The following USH2A variants were observed in gnomAD, a reference collection of about 807,000 sequenced individuals.
USH2A encodes Usher syndrome 2A (autosomal recessive, mild).
Under a neutral mutation model 538.9 loss-of-function variants are expected in USH2A, and 443 were observed. That is an observed-to-expected ratio of 0.82 (90% confidence interval 0.76 to 0.89). USH2A has a LOEUF of 0.89. Among genes scored for constraint, USH2A ranks in the 40% least tolerant of loss-of-function variants. USH2A has a pLI of 0.00. For missense variants in USH2A, 6,633 were observed against 6,324.8 expected (o/e 1.05, Z -1.65); for synonymous variants, 2,413 against 2,273.5 (o/e 1.06, Z -1.75).
At chr1:216,196,145 T>C (rs912271026) in intron 19 of USH2A, among the ~76,000 whole-genome samples, 2 of 152,298 alleles carry the variant, frequency 1.3e-5, no homozygotes, top group South Asian at 4.1e-4. Context: ...GAAATGTACA[T>C]ATAAGAAGTT....
At chr1:216,047,344 A>T (rs1417247290) in intron 31 of USH2A, among the ~76,000 whole-genome samples, 1 of 152,188 alleles carries the variant, frequency 6.6e-6, no homozygotes, top group Non-Finnish European at 1.5e-5. Context: ...ATAATGCAAC[A>T]TAGGGCCATT....
Position 215,728,046 on chromosome 1 carries a change from T to C in USH2A, c.12050A>G (p.His4017Arg), listed in dbSNP as rs1237304700. 1 of 1,614,172 alleles carries C rather than the reference T, an allele frequency of 6.2e-7. No homozygotes were observed. The highest frequency in any genetic ancestry group is 8.5e-7 in the Non-Finnish European group (1 of 1,180,042). The part of the protein sequence containing the change: ...DDPTFNSPTV[H>R]AFTVKGTSHQ... ...GGGTCTTACCTTCACTGTGAAAGCATGCACGGTAGGGCTGTTAAATGTAGG... is the reference window on the plus strand; with the variant it reads ...GGGTCTTACCTTCACTGTGAAAGCACGCACGGTAGGGCTGTTAAATGTAGG... The change falls in exon 61 of 72, where the codon CAT becomes CGT. Residue 4017 changes from histidine to arginine, a missense_variant. By Grantham distance (29) the His-to-Arg change is conservative. Transcript: ENST00000307340.
At chr1:216,381,526 T>C (rs1005836095) in intron 3 of USH2A, among the ~76,000 whole-genome samples, 2 of 152,086 alleles carry the variant, frequency 1.3e-5, no homozygotes, top group Non-Finnish European at 2.9e-5. Flanking sequence ...GGGGGAAAAG[T>C]GGAAAGGGAA....
intron 2 of USH2A, among the ~76,000 whole-genome samples, chr1:216,419,267 G>A (rs140370487): frequency 1.6e-4 from 25 of 152,200 alleles, no homozygotes; most frequent in African/African-American, 4.1e-4. Flanking sequence ...CTCCATGACC[G>A]TACAGTCCAA....
intron 21 of USH2A, among the ~76,000 whole-genome samples, chr1:216,114,463 T>C (rs2032953796): frequency 6.6e-6 from 1 of 152,170 alleles, no homozygotes; most frequent in Admixed American, 6.6e-5. Flanking sequence ...TTAAGTAAAA[T>C]GTTTACTCTT....
At position 216,292,198 on chromosome 1, in the gene USH2A, T is replaced by C; in HGVS notation, c.1817A>G (p.Asp606Gly). The change falls in exon 10 of 72, where the codon GAT becomes GGT. Residue 606 changes from aspartate to glycine, a missense_variant. Coordinates refer to ENST00000307340, the MANE Select transcript of USH2A (RefSeq NM_206933.4). ...ACCTGTAGTGTTATGCTCACAATCA[T>C]CACAAACTCCTCCTCCCCCTCTGAA... ...EHFRGGGGVC[D>G]DCEHNTTGRN... 6.2e-7 allele frequency: 1 copy of C among 1,614,098 alleles called. No homozygotes were observed. The highest frequency in any genetic ancestry group is 8.5e-7 in the Non-Finnish European group (1 of 1,179,968).
In USH2A at chr1:216,207,319, G is replaced by A. The variant is rs756148854; in HGVS notation, c.3270C>T (p.Leu1090=). Reference sequence around the variant, plus strand: ...TTGTGTAGATTTCAAAACCATCCCTGAGTAAACTGTAAGTAAGCCAGTGGG... The same window carrying A: ...TTGTGTAGATTTCAAAACCATCCCTAAGTAAACTGTAAGTAAGCCAGTGGG... ...PNAHWLTYSL[L]RDGFEIYTTE... Residue 1090 remains leucine, a synonymous_variant, in exon 16 of 72, where the codon CTC becomes CTT. Transcript: ENST00000307340. 6.2e-7 allele frequency: 1 copy of A among 1,611,236 alleles called. No homozygotes were observed. Among genetic ancestry groups the A allele is most frequent in the Non-Finnish European group, 8.5e-7 (1 of 1,178,942 alleles).
chr1:215,675,442 A>C lies in USH2A; in HGVS notation c.12469T>G (p.Ser4157Ala). 6.2e-7 allele frequency: 1 copy of C among 1,613,948 alleles called. No homozygotes were observed. The highest frequency in any genetic ancestry group is 1.3e-5 in the African/African-American group (1 of 75,022). ...PLWTDEAPPDSQLAPTVHSVK... is the reference protein window; with the variant it reads ...PLWTDEAPPDAQLAPTVHSVK... Reference sequence around the variant, plus strand: ...GAGTGGACAGTAGGAGCCAGCTGAGAGTCTGGAGGGGCTTCATCTGTCCAC... The same window carrying C: ...GAGTGGACAGTAGGAGCCAGCTGAGCGTCTGGAGGGGCTTCATCTGTCCAC... The change falls in exon 63 of 72, where the codon TCT (serine) becomes GCT (alanine). Residue 4157 changes from serine to alanine, a missense_variant. By Grantham distance (99) the Ser-to-Ala change is moderately conservative (BLOSUM62 1). Coordinates refer to ENST00000307340, the MANE Select transcript of USH2A (RefSeq NM_206933.4).
chr1:216,242,370 GA>G (rs546449986), intron 13 of USH2A, among the ~76,000 whole-genome samples: 4,189 of 143,382 alleles, frequency 0.029, 85 homozygotes, highest in African/African-American at 0.038. Flanking sequence ...GAAAAAAAAA[GA>G]AAAAAAAAAT....
At position 216,421,900 on chromosome 1, in the gene USH2A, G is replaced by T. The variant is rs1315507128; in HGVS notation, c.437C>A (p.Ala146Glu). The T allele has an allele frequency of 6.2e-7, 1 of 1,613,942 alleles. No individual in the cohort carries two copies. The highest frequency in any genetic ancestry group is 8.5e-7 in the Non-Finnish European group (1 of 1,179,896). Residue 146 changes from alanine (A) to glutamate (E), a missense_variant, in exon 2 of 72, where the codon GCA becomes GAA. Ala to Glu is a moderately radical substitution (Grantham distance 107). Transcript: ENST00000307340. ...FSSPPSPKLMASFTLAVWLKP... is the reference protein window; with the variant it reads ...FSSPPSPKLMESFTLAVWLKP... Reference sequence around the variant, plus strand: ...CAGCCATACAGCTAAGGTAAATGATGCCATCAGCTTTGGAGAAGGAGGAGA... The same window carrying T: ...CAGCCATACAGCTAAGGTAAATGATTCCATCAGCTTTGGAGAAGGAGGAGA...
intron 7 of USH2A, 54 bp from the exon 8 acceptor site, chr1:216,323,749 A>C (rs2102653474): frequency 6.5e-7 from 1 of 1,549,178 alleles, no homozygotes; most frequent in East Asian, 2.3e-5. Context: ...TTTTGGCAAA[A>C]CAGAAATCAA....
intron 44 of USH2A, among the ~76,000 whole-genome samples, chr1:215,849,227 A>G (rs1663951412): frequency 6.6e-6 from 1 of 152,182 alleles, no homozygotes; most frequent in Non-Finnish European, 1.5e-5. Context: ...AATGGGATGG[A>G]GGTTTTATAA....
intron 69 of USH2A, among the ~76,000 whole-genome samples, chr1:215,637,635 G>T (rs1383904774): frequency 1.3e-5 from 2 of 152,272 alleles, no homozygotes; most frequent in Admixed American, 6.5e-5. Context: ...GAAGAATTAA[G>T]TGTTGTAGGA....
Position 215,759,805 on chromosome 1 carries a change from T to C in USH2A, c.11086A>G (p.Thr3696Ala). The C allele has an allele frequency of 1.2e-6, 2 of 1,614,030 alleles. No homozygotes were observed. Among genetic ancestry groups the C allele is most frequent in the Non-Finnish European group, 1.7e-6 (2 of 1,179,940 alleles). ...VTPRHIIINS[T>A]TVELYWSLPE... is the part of the protein sequence containing the mutation. ...AGACTCCAATATAATTCCACTGTTG[T>C]AGAATTGATGATAATGTGTCGAGGT... Residue 3696 changes from threonine (T) to alanine (A), a missense_variant, in exon 57 of 72, where the codon ACA becomes GCA. Transcript: ENST00000307340.
At chr1:215,658,819 A>G (rs920741997) in intron 64 of USH2A, among the ~76,000 whole-genome samples, 2 of 152,228 alleles carry the variant, frequency 1.3e-5, no homozygotes, top group African/African-American at 4.8e-5. Context: ...TTGAAATTCC[A>G]TTATGTTCTC....
At chr1:216,260,837 C>A (rs1383600996) in intron 11 of USH2A, among the ~76,000 whole-genome samples, 1 of 152,102 alleles carries the variant, frequency 6.6e-6, no homozygotes, top group Non-Finnish European at 1.5e-5. Flanking sequence ...CACTGCCTCT[C>A]CCCTTTACCA....
At chr1:215,996,602 G>T (rs2102480072) in intron 34 of USH2A, among the ~76,000 whole-genome samples, 2 of 90,066 alleles carry the variant, frequency 2.2e-5, no homozygotes, top group African/African-American at 4.5e-5. Context: ...TTTTGCAGTG[G>T]AAAGAGTATG....
chr1:215,966,140 G>T (rs1667341801), intron 36 of USH2A, among the ~76,000 whole-genome samples: 1 of 152,046 alleles, frequency 6.6e-6, no homozygotes, highest in South Asian at 2.1e-4. Context: ...ATGAAGCTAT[G>T]CAGAAAAGAG....
rs148860853 is a variant in USH2A, at chr1:215,650,842, C to G, written c.14134-41G>C. The G allele has an allele frequency of 4.6e-4, 724 of 1,570,532 alleles. 4 individuals carry two copies. The African/African-American group carries it at 9.1e-3, about 20-fold the overall frequency. The stretch of plus-strand genomic sequence containing the variant: ...AACAAGACTGTCAAAAGCAAGATAC[C>G]CTAAGGCTGGGAAAAAAAAAAAAAA... On this transcript the variant is annotated intron_variant, in intron 64 of 71. Coordinates refer to ENST00000307340, the MANE Select transcript of USH2A (RefSeq NM_206933.4).
Sources: allele counts gnomAD v4.1 joint callset (sites outside exome capture counted in the v4.1 genomes callset), GRCh38; gene constraint gnomAD v4.1.1; transcripts MANE v1.5; gene names NCBI Gene and HGNC (gene_info 2026-07-23, HGNC 2026-07-21).